AK5: variants seen among roughly 807,000 people sequenced by gnomAD.
AK5 encodes the protein adenylate kinase isoenzyme 5.
A neutral mutation model predicts 69.5 loss-of-function variants in AK5; 27 were observed. The observed-to-expected ratio is 0.39, with a 90% CI of 0.29 to 0.54. The LOEUF is 0.54. Among genes scored for constraint, AK5 ranks in the 20% least tolerant of loss-of-function variants. The probability of loss-of-function intolerance (pLI) is 0.71; values close to 1 mark genes in which losing one functional copy is unlikely to be tolerated. For missense variants in AK5, 531 were observed against 700.4 expected (o/e 0.76, Z 2.73); for synonymous variants, 260 against 244.4 (o/e 1.06, Z -0.60).
At chr1:77,500,235 C>T (rs1656630874) in intron 10 of AK5, among the ~76,000 whole-genome samples, 1 of 151,952 alleles carries the variant, frequency 6.6e-6, no homozygotes, top group Admixed American at 6.6e-5. Context: ...TCTTTATGGC[C>T]CCTTCCCACA....
intron 6 of AK5, among the ~76,000 whole-genome samples, chr1:77,354,273 C>A (rs867489249): frequency 1.4e-4 from 21 of 152,168 alleles, no homozygotes; most frequent in African/African-American, 3.1e-4. Context: ...AAATAATCTA[C>A]AAATATATTC....
chr1:77,342,584 G>A (rs1342188074), intron 6 of AK5, among the ~76,000 whole-genome samples: 1 of 152,046 alleles, frequency 6.6e-6, no homozygotes, highest in Non-Finnish European at 1.5e-5. Context: ...AGCAATGAAC[G>A]CAAACACAGG....
chr1:77,529,738 CA>C (rs1164388969), intron 12 of AK5, among the ~76,000 whole-genome samples: 4 of 151,998 alleles, frequency 2.6e-5, no homozygotes, highest in Admixed American at 2.6e-4. Context: ...CACATATTAA[CA>C]GAAGTCATAT....
At chr1:77,454,656 T>A (rs1429309987) in intron 8 of AK5, among the ~76,000 whole-genome samples, 1 of 152,238 alleles carries the variant, frequency 6.6e-6, no homozygotes, top group East Asian at 1.9e-4. Context: ...CAAATCATTA[T>A]CAGGCAAAGT....
In AK5 at chr1:77,332,604, ATTATTTAT is replaced by A. The variant is rs71588894; in HGVS notation, c.700-7750_700-7743del. On this transcript the variant is annotated intron_variant, in intron 5 of 13. Transcript: ENST00000354567. The stretch of plus-strand genomic sequence containing the variant: ...TAGTTATATTTTTATTATTTATTTG[ATTATTTAT>A]TTATTTATTTATTTATTTATTTTTA... Among the ~76,000 whole-genome samples the A allele has an allele frequency of 9.6e-3, 1,409 of 146,190 alleles. 12 individuals carry two copies. Among genetic ancestry groups the A allele is most frequent in the Non-Finnish European group, 0.014 (899 of 66,400 alleles).
intron 7 of AK5, among the ~76,000 whole-genome samples, chr1:77,415,117 A>G (rs563566518): frequency 6.6e-6 from 1 of 152,302 alleles, no homozygotes; most frequent in Non-Finnish European, 1.5e-5. Context: ...AAAACAACAT[A>G]CATTTTATTA....
chr1:77,338,582 T>C (rs1661486897), intron 5 of AK5, among the ~76,000 whole-genome samples: 1 of 150,854 alleles, frequency 6.6e-6, no homozygotes, highest in Non-Finnish European at 1.5e-5. Context: ...CAGCAAAAGG[T>C]AGTGGTTGAA....
intron 6 of AK5, among the ~76,000 whole-genome samples, chr1:77,353,166 G>C (rs1662303673): frequency 6.6e-6 from 1 of 152,122 alleles, no homozygotes; most frequent in Admixed American, 6.6e-5. Context: ...ACTCACCTCT[G>C]TCATGTAGGT....
chr1:77,470,850 TATATATATATATATATATATA>T (rs1443197632), intron 8 of AK5, among the ~76,000 whole-genome samples: 270 of 14,824 alleles, frequency 0.018, 22 homozygotes, highest in South Asian at 0.027. Flanking sequence ...TATATATATA[TATATATATATATATATATATA>T]TATATTTTTT....
At chr1:77,549,960 A>AT (rs761532441) in intron 13 of AK5, among the ~76,000 whole-genome samples, 14 of 148,638 alleles carry the variant, frequency 9.4e-5, no homozygotes, top group South Asian at 2.1e-4. Context: ...TTATTTATTT[A>AT]TTTTTTTTTT....
At chr1:77,531,995 CGG>C (rs1491537906) in intron 12 of AK5, 1 of 138,752 alleles carries the variant, frequency 7.2e-6, no homozygotes, top group East Asian at 2.0e-4. Flanking sequence ...GCCATCCGGC[CGG>C]CCGGCCGGCC....
intron 6 of AK5, among the ~76,000 whole-genome samples, chr1:77,357,528 A>G (rs900857304): frequency 2.6e-5 from 4 of 152,176 alleles, no homozygotes; most frequent in Admixed American, 1.3e-4. Context: ...ATAATACCTT[A>G]CATTCATTGA....
chr1:77,417,365 ACT>A (rs1469136523), intron 7 of AK5, among the ~76,000 whole-genome samples: 1 of 151,882 alleles, frequency 6.6e-6, no homozygotes, highest in Non-Finnish European at 1.5e-5. Flanking sequence ...TTAGTAGCTC[ACT>A]CTCTTGGGTT....
At chr1:77,363,683 C>T (rs1646903307) in intron 6 of AK5, among the ~76,000 whole-genome samples, 1 of 152,152 alleles carries the variant, frequency 6.6e-6, no homozygotes, top group Admixed American at 6.5e-5. Context: ...ATGCACAATT[C>T]CACCTCAGGG....
At chr1:77,402,576 G>A (rs941204066) in intron 6 of AK5, among the ~76,000 whole-genome samples, 6 of 151,854 alleles carry the variant, frequency 4.0e-5, no homozygotes. Context: ...ATAGTTTGCT[G>A]AGAATGATGA....
intron 8 of AK5, among the ~76,000 whole-genome samples, chr1:77,450,461 A>G (rs1317100355): frequency 6.6e-6 from 1 of 152,118 alleles, no homozygotes; most frequent in Non-Finnish European, 1.5e-5. Flanking sequence ...GAATATTCAT[A>G]CTCTTTAAGA....
At chr1:77,549,146 G>T (rs980082304) in intron 13 of AK5, among the ~76,000 whole-genome samples, 3 of 151,692 alleles carry the variant, frequency 2.0e-5, no homozygotes, top group Admixed American at 2.0e-4. Context: ...AAAGTCCTGG[G>T]ATTACAGGCA....
At chr1:77,343,262 G>T (rs1412114640) in intron 6 of AK5, among the ~76,000 whole-genome samples, 1 of 152,112 alleles carries the variant, frequency 6.6e-6, no homozygotes, top group African/African-American at 2.4e-5. Flanking sequence ...TCTGCACAAA[G>T]TTCTTAAGGG....
In AK5 at chr1:77,282,155, T is replaced by G. The variant is rs2100630215; in HGVS notation, c.-159T>G. The stretch of plus-strand genomic sequence containing the variant: ...AGCCCCCGGGGAGAGGCGGAGGGGG[T>G]CCCTGGCCTGGGCGGAGAGGCTGAG... On this transcript the variant is annotated 5_prime_UTR_variant, in exon 1 of 14. Coordinates refer to ENST00000354567, the MANE Select transcript of AK5 (RefSeq NM_174858.3). The G allele has an allele frequency of 1.8e-6, 1 of 542,708 alleles. No individual in the cohort carries two copies. Among genetic ancestry groups the G allele is most frequent in the South Asian group, 3.6e-5 (1 of 27,714 alleles). The allele number at this position is 542,708 out of a possible 1,614,324, so 33.6% of individuals were successfully genotyped here.
Sources: allele counts gnomAD v4.1 joint callset (sites outside exome capture counted in the v4.1 genomes callset), GRCh38; gene constraint gnomAD v4.1.1; transcripts MANE v1.5; gene names NCBI Gene and HGNC (gene_info 2026-07-23, HGNC 2026-07-21).